The following DSCAML1 variants were observed in gnomAD, a reference collection of about 807,000 sequenced individuals.
DSCAML1 encodes DS cell adhesion molecule like 1, also known as cell adhesion molecule DSCAML1.
A neutral mutation model predicts 200.5 loss-of-function variants in DSCAML1; 38 were observed. That is an observed-to-expected ratio of 0.19 (90% CI 0.15 to 0.25). The LOEUF (loss-of-function observed/expected upper bound fraction) is 0.25. Ranked by LOEUF, DSCAML1 falls within the 10% of genes least tolerant of loss-of-function variation. The pLI is 1.00. For missense variants in DSCAML1, 2,223 were observed against 2,858.8 expected (o/e 0.78, Z 5.07); for synonymous variants, 1,215 against 1,165.0 (o/e 1.04, Z -0.87).
At chr11:117,738,171 C>A (rs1015419562) in intron 3 of DSCAML1, among the ~76,000 whole-genome samples, 1 of 152,144 alleles carries the variant, frequency 6.6e-6, no homozygotes, top group Non-Finnish European at 1.5e-5. Context: ...TAGAAGGGGA[C>A]AGTTTCAAAT....
At chr11:117,802,890 G>A (rs2055674202) in intron 1 of DSCAML1, among the ~76,000 whole-genome samples, 2 of 152,182 alleles carry the variant, frequency 1.3e-5, no homozygotes, top group Non-Finnish European at 2.9e-5. Context: ...GCATATTTGG[G>A]ATGTTTAATA....
intron 3 of DSCAML1, among the ~76,000 whole-genome samples, chr11:117,670,076 C>T (rs563440150): frequency 1.1e-4 from 17 of 152,326 alleles, no homozygotes; most frequent in African/African-American, 2.9e-4. Context: ...AGAGGTTAAG[C>T]GCTGTGATGC....
chr11:117,469,419 T>A lies in DSCAML1; in HGVS notation c.3024+491A>T, dbSNP rs564514589. 6.6e-6 allele frequency among the ~76,000 whole-genome samples: 1 copy of A among 152,284 alleles called. No homozygotes were observed. Among genetic ancestry groups the A allele is most frequent in the East Asian group, 1.9e-4 (1 of 5,174 alleles). ...TTTCCTTAAGTGACAGATGCTTCAG[T>A]CACCCCCTATATTTTACAGGTCTTT... On this transcript the variant is annotated intron_variant, in intron 16 of 32. Transcript: ENST00000651296. The surrounding 1 kb of genome is among the most constrained non-coding windows in gnomAD (Gnocchi z 4.1).
intron 3 of DSCAML1, among the ~76,000 whole-genome samples, chr11:117,623,001 G>A (rs1427820719): frequency 2.0e-5 from 3 of 152,048 alleles, no homozygotes; most frequent in Non-Finnish European, 4.4e-5. Context: ...CACTAGGCAG[G>A]TCTCAGCCCA....
intron 3 of DSCAML1, among the ~76,000 whole-genome samples, chr11:117,621,609 C>T (rs1565831808): frequency 6.6e-6 from 1 of 152,190 alleles, no homozygotes; most frequent in Non-Finnish European, 1.5e-5. Context: ...TGTTATTCAA[C>T]TGGACTCTAA....
intron 3 of DSCAML1, among the ~76,000 whole-genome samples, chr11:117,545,571 G>A (rs918967151): frequency 1.3e-5 from 2 of 152,206 alleles, no homozygotes; most frequent in South Asian, 2.1e-4. Context: ...ATGGGGAGGG[G>A]AGAAAGGCAG....
At chr11:117,793,437 A>G (rs972312236) in intron 1 of DSCAML1, among the ~76,000 whole-genome samples, 1 of 152,044 alleles carries the variant, frequency 6.6e-6, no homozygotes, top group African/African-American at 2.4e-5. Flanking sequence ...CTTCATCTAC[A>G]ATTAAATCAT....
chr11:117,496,344 C>T (rs1184124289), intron 11 of DSCAML1, among the ~76,000 whole-genome samples: 1 of 152,178 alleles, frequency 6.6e-6, no homozygotes, highest in Non-Finnish European at 1.5e-5. Flanking sequence ...TTACTTGGCT[C>T]ATCCAACAAT....
chr11:117,486,380 A>G lies in DSCAML1; in HGVS notation c.2360-4218T>C, dbSNP rs866917811. ...GGATGTGAAAGTGGCTGATGTGAAA[A>G]TGGCGGATGTGAAAGTGGCGGATGG... On this transcript the variant is annotated intron_variant, in intron 11 of 32. Transcript: ENST00000651296. Among the ~76,000 whole-genome samples the G allele has an allele frequency of 3.1e-3, 458 of 149,116 alleles. 7 individuals carry two copies. The highest frequency in any genetic ancestry group is 8.9e-3 in the African/African-American group (355 of 39,962).
At chr11:117,601,637 T>C (rs1242113843) in intron 3 of DSCAML1, among the ~76,000 whole-genome samples, 2 of 152,260 alleles carry the variant, frequency 1.3e-5, no homozygotes, top group African/African-American at 4.8e-5. Flanking sequence ...ATGTGGTCAG[T>C]TATCTACCCC....
chr11:117,720,249 C>A (rs2054019806), intron 3 of DSCAML1, among the ~76,000 whole-genome samples: 2 of 152,176 alleles, frequency 1.3e-5, no homozygotes, highest in African/African-American at 4.8e-5. Context: ...CTTATTGGTG[C>A]AAGGCAAGTC....
At chr11:117,447,012 T>C (rs937494537) in intron 20 of DSCAML1, among the ~76,000 whole-genome samples, 1 of 152,098 alleles carries the variant, frequency 6.6e-6, no homozygotes, top group Non-Finnish European at 1.5e-5. Context: ...TTAGGTCAGG[T>C]GCGGTGGTGG....
intron 3 of DSCAML1, among the ~76,000 whole-genome samples, chr11:117,587,812 A>G (rs1227237178): frequency 2.0e-5 from 3 of 152,112 alleles, no homozygotes; most frequent in African/African-American, 7.2e-5. Context: ...ACCCTGAGAG[A>G]ACATCAGCTG....
chr11:117,792,922 G>A (rs2055499200), intron 1 of DSCAML1, among the ~76,000 whole-genome samples: 1 of 152,196 alleles, frequency 6.6e-6, no homozygotes. Context: ...GAGCTCTGGG[G>A]CTGCCTTGCC....
At chr11:117,549,073 G>A (rs1207137088) in intron 3 of DSCAML1, among the ~76,000 whole-genome samples, 1 of 152,196 alleles carries the variant, frequency 6.6e-6, no homozygotes, top group Non-Finnish European at 1.5e-5. Flanking sequence ...GGCTCCAAGG[G>A]CACTGGGTGG....
At chr11:117,573,452 C>T (rs745435786) in intron 3 of DSCAML1, among the ~76,000 whole-genome samples, 2 of 152,236 alleles carry the variant, frequency 1.3e-5, no homozygotes, top group Non-Finnish European at 2.9e-5. Context: ...CATTCAGAAC[C>T]TTCCACTGGA....
intron 1 of DSCAML1, among the ~76,000 whole-genome samples, chr11:117,789,770 G>T (rs2055426517): frequency 6.6e-6 from 1 of 152,140 alleles, no homozygotes. Flanking sequence ...GTGACATCAG[G>T]ACCAGTGAGT....
intron 19 of DSCAML1, among the ~76,000 whole-genome samples, chr11:117,457,087 T>C (rs756405733): frequency 1.3e-5 from 2 of 152,232 alleles, no homozygotes; most frequent in African/African-American, 2.4e-5. Flanking sequence ...ACTCTCCCCA[T>C]GTTATGAGGA....
At chr11:117,537,085 T>A (rs971154452) in intron 3 of DSCAML1, among the ~76,000 whole-genome samples, 16 of 152,222 alleles carry the variant, frequency 1.1e-4, no homozygotes, top group African/African-American at 3.9e-4. Context: ...CTTCCTATGC[T>A]CTTCCAAAGC....
Sources: gnomAD v4.1 joint callset for allele counts (sites outside exome capture counted in the v4.1 genomes callset) on GRCh38, gnomAD v4.1.1 for gene constraint, Gnocchi (gnomAD v3.1) non-coding constraint, MANE v1.5 for transcripts, NCBI Gene and HGNC (gene_info 2026-07-23, HGNC 2026-07-21) for gene names.